RGPD2: variants seen among roughly 807,000 people sequenced by gnomAD.
RGPD2 encodes RANBP2-like and GRIP domain-containing protein 2.
RGPD2 carries 2 observed loss-of-function variants against 36.0 expected under a neutral mutation model. The ratio of observed to expected loss-of-function variants is 0.06; its 90% CI spans 0.02 to 0.17. The LOEUF is 0.17. RGPD2 is among the 10% of genes least tolerant of loss of function. The probability of loss-of-function intolerance (pLI) is 1.00; values close to 1 mark genes in which losing one functional copy is unlikely to be tolerated. For synonymous variants in RGPD2, 19 were observed against 163.8 expected (o/e 0.12, Z 6.75); for missense variants, 40 against 464.3 (o/e 0.09, Z 8.40).
At chr2:87,929,469 T>A in the RGPD2 span, among the ~76,000 whole-genome samples, 1 of 104,906 alleles carries the variant, frequency 9.5e-6, no homozygotes, top group Non-Finnish European at 1.9e-5. Context: ...TCCAGCTTTG[T>A]TTTTTTTGTG....
At chr2:87,935,668 A>G in the RGPD2 span, among the ~76,000 whole-genome samples, 1,534 of 151,406 alleles carry the variant, frequency 0.01, 22 homozygotes, top group African/African-American at 0.035. Flanking sequence ...TAGAGAGTGA[A>G]GAGTCTGTTG....
the RGPD2 span, among the ~76,000 whole-genome samples, chr2:87,893,352 TTTTC>T: frequency 2.0e-5 from 3 of 148,356 alleles, no homozygotes; most frequent in East Asian, 4.0e-4. Context: ...GATTCATTTC[TTTTC>T]TTTCTTTTTC....
chr2:87,882,066 C>G, the RGPD2 span, among the ~76,000 whole-genome samples: 1 of 152,224 alleles, frequency 6.6e-6, no homozygotes, highest in Non-Finnish European at 1.5e-5. Flanking sequence ...AAAGACAGCA[C>G]CAAGCCATGA....
the RGPD2 span, among the ~76,000 whole-genome samples, chr2:87,866,904 G>A: frequency 2.0e-5 from 3 of 152,264 alleles, no homozygotes; most frequent in Non-Finnish European, 4.4e-5. Context: ...GGCTTTGTCC[G>A]AGCCAGAGGA....
At chr2:87,790,708 CA>C (rs1405877378) in intron 17 of RGPD2, among the ~76,000 whole-genome samples, 1 of 151,116 alleles carries the variant, frequency 6.6e-6, no homozygotes, top group Non-Finnish European at 1.5e-5. Flanking sequence ...TGTGCAAATT[CA>C]AAAATGTCTT....
At chr2:87,868,709 T>A in the RGPD2 span, among the ~76,000 whole-genome samples, 4 of 152,038 alleles carry the variant, frequency 2.6e-5, no homozygotes, top group Non-Finnish European at 5.9e-5. Context: ...TTGCCCTTGC[T>A]ATTCCATCTC....
At chr2:87,955,304 C>T in the RGPD2 span, among the ~76,000 whole-genome samples, 17 of 145,086 alleles carry the variant, frequency 1.2e-4, 1 homozygote, top group African/African-American at 3.6e-4. Context: ...CATGAGCCAC[C>T]GCGCCCGGCC....
chr2:87,909,120 G>A, the RGPD2 span, among the ~76,000 whole-genome samples: 2 of 151,418 alleles, frequency 1.3e-5, no homozygotes, highest in East Asian at 2.0e-4. Context: ...GTTCTCCCAT[G>A]AGGAGCATTG....
At chr2:87,866,294 T>C in the RGPD2 span, among the ~76,000 whole-genome samples, 1 of 151,564 alleles carries the variant, frequency 6.6e-6, no homozygotes, top group Admixed American at 6.6e-5. Flanking sequence ...TAGAATTGAA[T>C]GGACAAATCA....
chr2:87,915,933 G>A, the RGPD2 span, among the ~76,000 whole-genome samples: 1 of 151,198 alleles, frequency 6.6e-6, no homozygotes, highest in South Asian at 2.1e-4. Flanking sequence ...AAGAAAAGAA[G>A]GAAGTGAGGG....
At chr2:87,974,453 AT>A in the RGPD2 span, among the ~76,000 whole-genome samples, 1 of 151,334 alleles carries the variant, frequency 6.6e-6, no homozygotes, top group African/African-American at 2.4e-5. Flanking sequence ...CCTGTGACCT[AT>A]TTTTAACCTT....
chr2:87,879,321 T>A, the RGPD2 span, among the ~76,000 whole-genome samples: 1 of 152,092 alleles, frequency 6.6e-6, no homozygotes, highest in Non-Finnish European at 1.5e-5. Context: ...TCTTTTGATT[T>A]TAAAATGTAT....
At chr2:87,983,480 A>T in the RGPD2 span, among the ~76,000 whole-genome samples, 1 of 122,626 alleles carries the variant, frequency 8.2e-6, no homozygotes, top group Admixed American at 9.2e-5. Context: ...ACAAATGTTC[A>T]CTGAGTATCC....
the RGPD2 span, among the ~76,000 whole-genome samples, chr2:87,922,137 CA>C: frequency 1.3e-5 from 2 of 151,190 alleles, no homozygotes; most frequent in Admixed American, 6.6e-5. Context: ...ACTAAAAATG[CA>C]AAAAATTAGC....
At chr2:87,825,467 AGGCCGCCGTCGCCGCCGCCGCCGCCC>A in intron 1 of RGPD2, among the ~76,000 whole-genome samples, 165 bp downstream of exon 1, 1 of 80,798 alleles carries the variant, frequency 1.2e-5, no homozygotes, top group African/African-American at 4.9e-5. Flanking sequence ...GCCGAGGCCG[AGGCCGCCGTCGCCGCCGCCGCCGCCC>A]GGCCGAGGCC....
chr2:87,762,076 G>A (rs1362835536), intron 22 of RGPD2, among the ~76,000 whole-genome samples: 18 of 147,912 alleles, frequency 1.2e-4, no homozygotes, highest in Admixed American at 2.1e-4. Context: ...TTTGTCATAC[G>A]CAATGATTTT....
chr2:87,849,388 A>C, the RGPD2 span, among the ~76,000 whole-genome samples: 4 of 152,320 alleles, frequency 2.6e-5, no homozygotes, highest in East Asian at 7.7e-4. Context: ...ATGACATAGC[A>C]TACAATTACT....
the RGPD2 span, among the ~76,000 whole-genome samples, chr2:87,940,924 C>T: frequency 1.3e-5 from 2 of 151,752 alleles, no homozygotes; most frequent in African/African-American, 4.8e-5. Context: ...CTACAAAGAC[C>T]AATAATACTA....
At chr2:87,854,174 T>C in the RGPD2 span, among the ~76,000 whole-genome samples, 1 of 126,608 alleles carries the variant, frequency 7.9e-6, no homozygotes, top group South Asian at 3.0e-4. Context: ...AATGGCGTGA[T>C]CTCAGCTCAC....
Sources: gnomAD v4.1 joint callset for allele counts (sites outside exome capture counted in the v4.1 genomes callset) on GRCh38, gnomAD v4.1.1 for gene constraint, MANE v1.5 for transcripts, NCBI Gene and HGNC (gene_info 2026-07-23, HGNC 2026-07-21) for gene names.